The following CCSER1 variants were observed in gnomAD, a reference collection of about 807,000 sequenced individuals.
CCSER1 encodes coiled-coil serine rich protein 1, also known as serine-rich coiled-coil domain-containing protein 1.
CCSER1 carries 41 observed loss-of-function variants against 82.0 expected under a neutral mutation model. The ratio of observed to expected loss-of-function variants is 0.50; its 90% CI spans 0.39 to 0.65. The LOEUF is 0.65. Ranked by LOEUF, CCSER1 falls within the 30% of genes least tolerant of loss-of-function variation. CCSER1 has a pLI of 0.00. For missense variants in CCSER1, 1,119 were observed against 1,064.2 expected (o/e 1.05, Z -0.72); for synonymous variants, 414 against 383.9 (o/e 1.08, Z -0.92).
At chr4:90,321,144 A>G (rs982080222) in intron 3 of CCSER1, among the ~76,000 whole-genome samples, 20 of 152,120 alleles carry the variant, frequency 1.3e-4, no homozygotes, top group African/African-American at 4.6e-4. Flanking sequence ...CTATTGTGCT[A>G]TAAAGTACTA....
chr4:91,257,319 T>G (rs903036408), intron 10 of CCSER1, among the ~76,000 whole-genome samples: 5 of 152,266 alleles, frequency 3.3e-5, no homozygotes, highest in Non-Finnish European at 7.4e-5. Context: ...ATATTTGTTT[T>G]ATTTTTCAAA....
At chr4:91,496,801 AAT>A (rs532957106) in intron 10 of CCSER1, among the ~76,000 whole-genome samples, 13 of 66,862 alleles carry the variant, frequency 1.9e-4, no homozygotes, top group South Asian at 1.9e-3. Context: ...TATATATTTG[AAT>A]ATATATATAT....
intron 9 of CCSER1, among the ~76,000 whole-genome samples, chr4:91,080,664 C>T (rs1400556598): frequency 6.6e-6 from 1 of 151,914 alleles, no homozygotes; most frequent in Admixed American, 6.6e-5. Context: ...ATTGATAGAC[C>T]ACTAGCAAGA....
intron 5 of CCSER1, among the ~76,000 whole-genome samples, chr4:90,516,264 T>C (rs1178601477): frequency 6.6e-6 from 1 of 152,090 alleles, no homozygotes; most frequent in Non-Finnish European, 1.5e-5. Context: ...ATAGAAAGGG[T>C]GCCCTTATTT....
chr4:90,569,696 T>G (rs1273368873), intron 5 of CCSER1, among the ~76,000 whole-genome samples: 2 of 152,184 alleles, frequency 1.3e-5, no homozygotes, highest in Non-Finnish European at 2.9e-5. Context: ...TTGCGTTGTT[T>G]CAGCAAAACG....
intron 8 of CCSER1, among the ~76,000 whole-genome samples, chr4:90,882,555 A>G (rs759558523): frequency 1.2e-4 from 18 of 152,068 alleles, no homozygotes; most frequent in Non-Finnish European, 2.4e-4. Context: ...ACGTGTGAAA[A>G]TGCTTTTAAA....
At chr4:90,370,882 T>C (rs1747280310) in intron 3 of CCSER1, among the ~76,000 whole-genome samples, 1 of 152,078 alleles carries the variant, frequency 6.6e-6, no homozygotes, top group African/African-American at 2.4e-5. Context: ...GAAGGTGGAA[T>C]ATTTAACTTT....
At chr4:90,352,933 T>A (rs1743756926) in intron 3 of CCSER1, among the ~76,000 whole-genome samples, 1 of 152,180 alleles carries the variant, frequency 6.6e-6, no homozygotes, top group Admixed American at 6.5e-5. Flanking sequence ...TGATACCACC[T>A]GTGATTGTTT....
intron 10 of CCSER1, among the ~76,000 whole-genome samples, chr4:91,583,637 A>G (rs1763842864): frequency 6.6e-6 from 1 of 151,546 alleles, no homozygotes; most frequent in Non-Finnish European, 1.5e-5. Context: ...TTGCTTGAAT[A>G]GACTAGTGGA....
intron 10 of CCSER1, among the ~76,000 whole-genome samples, chr4:91,436,326 C>T (rs1754646848): frequency 6.6e-6 from 1 of 152,104 alleles, no homozygotes; most frequent in African/African-American, 2.4e-5. Flanking sequence ...TGGCATATAG[C>T]AAGCTTTCAA....
At chr4:90,628,355 C>G in intron 6 of CCSER1, 123 bp downstream of exon 6, 5 of 690,836 alleles carry the variant, frequency 7.2e-6, no homozygotes, top group Non-Finnish European at 1.2e-5. Context: ...CAGGTTTCCT[C>G]TTGGAGCTTA....
chr4:91,159,393 T>A (rs1731147916), intron 10 of CCSER1, among the ~76,000 whole-genome samples: 1 of 151,984 alleles, frequency 6.6e-6, no homozygotes, highest in Admixed American at 6.5e-5. Context: ...TATATTCTTG[T>A]CATAGTGTTT....
rs542468371 is a variant in CCSER1, at chr4:91,099,564, G to A, written c.2217+13570G>A. ...AACACATGTCCAAGGTAGTTGGGGC[G>A]CAGCTTGGTTTTTTACATTTTAGAG... is the stretch of plus-strand genomic sequence containing the variant. On this transcript the variant is annotated intron_variant, in intron 10 of 10. Transcript: ENST00000509176. Among the ~76,000 whole-genome samples the A allele has an allele frequency of 2.2e-4, 33 of 152,230 alleles. No homozygotes were observed. The East Asian group carries it at 3.3e-3, about 15-fold the overall frequency.
chr4:91,094,892 C>G (rs1581540158), intron 10 of CCSER1, among the ~76,000 whole-genome samples: 1 of 152,266 alleles, frequency 6.6e-6, no homozygotes, highest in East Asian at 1.9e-4. Context: ...AATGGTGTCT[C>G]TCAGCTTACT....
chr4:90,867,807 C>G (rs1444362022), intron 8 of CCSER1, among the ~76,000 whole-genome samples: 2 of 151,992 alleles, frequency 1.3e-5, no homozygotes, highest in African/African-American at 4.8e-5. Flanking sequence ...ATTTGACTTT[C>G]TGTACCTGGC....
chr4:90,535,427 A>T (rs1431266850), intron 5 of CCSER1, among the ~76,000 whole-genome samples: 1 of 152,154 alleles, frequency 6.6e-6, no homozygotes, highest in African/African-American at 2.4e-5. Flanking sequence ...AATACAAAAA[A>T]CAAAAAAACA....
At chr4:90,781,298 G>A (rs1273076558) in intron 7 of CCSER1, 3 of 984,910 alleles carry the variant, frequency 3.0e-6, no homozygotes, top group Non-Finnish European at 3.6e-6. Flanking sequence ...AACAGACACT[G>A]TGCTGAGCTC....
rs1730294910 is a variant in CCSER1 at position 90,165,572 on chromosome 4, CA to C, written c.-42+37743del. On this transcript the variant is annotated intron_variant, in intron 1 of 10. Coordinates refer to ENST00000509176, the MANE Select transcript of CCSER1 (RefSeq NM_001145065.2). ...GGCAGTGTGTTAGTTTTCATAGATACAACAATAAATAAGAACTCTCTTTGAC... is the reference window on the plus strand; with the variant it reads ...GGCAGTGTGTTAGTTTTCATAGATACACAATAAATAAGAACTCTCTTTGAC... Among the ~76,000 whole-genome samples, 2 of 151,856 alleles carry C rather than the reference CA, an allele frequency of 1.3e-5. 1 individual carries two copies. Among genetic ancestry groups the C allele is most frequent in the South Asian group, 4.2e-4 (2 of 4,818 alleles).
chr4:90,871,502 G>C (rs1766493841), intron 8 of CCSER1, among the ~76,000 whole-genome samples: 1 of 151,756 alleles, frequency 6.6e-6, no homozygotes, highest in South Asian at 2.1e-4. Context: ...TTGATTTTCA[G>C]TTTTATTCCA....
Sources: gnomAD v4.1 joint callset for allele counts (sites outside exome capture counted in the v4.1 genomes callset) on GRCh38, gnomAD v4.1.1 for gene constraint, MANE v1.5 for transcripts, NCBI Gene and HGNC (gene_info 2026-07-23, HGNC 2026-07-21) for gene names.